ADGRB3: variants seen among roughly 807,000 people sequenced by gnomAD.
ADGRB3 encodes brain-specific angiogenesis inhibitor 3.
Under a neutral mutation model 193.4 loss-of-function variants are expected in ADGRB3, and 37 were observed. That is an observed-to-expected ratio of 0.19 (90% CI 0.15 to 0.25). ADGRB3 has a LOEUF of 0.25. ADGRB3 is among the 10% of genes least tolerant of loss of function. ADGRB3 has a pLI of 1.00. For synonymous variants in ADGRB3, 690 were observed against 644.2 expected (o/e 1.07, Z -1.08); for missense variants, 1,637 against 1,852.9 (o/e 0.88, Z 2.14).
chr6:69,267,899 C>G (rs1036101410), intron 20 of ADGRB3, among the ~76,000 whole-genome samples: 1 of 152,078 alleles, frequency 6.6e-6, no homozygotes, highest in Non-Finnish European at 1.5e-5. Context: ...TTCCAGTTTC[C>G]TGTTTCAATG....
chr6:68,815,675 A>G (rs1280135832), intron 3 of ADGRB3, among the ~76,000 whole-genome samples: 1 of 151,304 alleles, frequency 6.6e-6, no homozygotes, highest in East Asian at 1.9e-4. Flanking sequence ...TAGTTACACA[A>G]AAACTATTTC....
In ADGRB3 at chr6:69,306,437, G is replaced by A. The variant is rs117367235; in HGVS notation, c.2815-18435G>A. 2.6e-3 allele frequency among the ~76,000 whole-genome samples: 400 copies of A among 151,420 alleles called. 3 individuals carry two copies. Among genetic ancestry groups the A allele is most frequent in the Middle Eastern group, 6.8e-3 (2 of 294 alleles). ...AAAATAAGAAAACTTCCTAAATCAT[G>A]GATTCATTAAGTTGATAACCTATGT... On this transcript the variant is annotated intron_variant, in intron 20 of 31. Transcript: ENST00000370598.
intron 17 of ADGRB3, among the ~76,000 whole-genome samples, chr6:69,149,976 T>TA (rs1774626842): frequency 1.0e-5 from 1 of 95,518 alleles, no homozygotes; most frequent in South Asian, 3.4e-4. Flanking sequence ...GTGTGTGTGT[T>TA]GAGATCCCTG....
intron 20 of ADGRB3, among the ~76,000 whole-genome samples, chr6:69,319,629 T>C (rs1161574100): frequency 6.6e-6 from 1 of 151,396 alleles, no homozygotes; most frequent in African/African-American, 2.4e-5. Context: ...ATTGTTTTTA[T>C]AAAGATGTGT....
intron 24 of ADGRB3, among the ~76,000 whole-genome samples, chr6:69,334,188 G>C (rs528900135): frequency 6.6e-6 from 1 of 151,460 alleles, no homozygotes; most frequent in South Asian, 2.1e-4. Flanking sequence ...CCTTTCCATT[G>C]AACTGTAACC....
intron 20 of ADGRB3, among the ~76,000 whole-genome samples, chr6:69,270,273 T>C (rs889426690): frequency 6.6e-5 from 10 of 152,166 alleles, no homozygotes; most frequent in African/African-American, 2.4e-4. Context: ...GAACATACTG[T>C]TGGTAACACA....
At chr6:68,814,242 T>C (rs1229907726) in intron 3 of ADGRB3, among the ~76,000 whole-genome samples, 11 of 152,156 alleles carry the variant, frequency 7.2e-5, no homozygotes, top group African/African-American at 1.7e-4. Flanking sequence ...TTTTAATGAT[T>C]GCCATTCTAA....
chr6:69,019,020 G>A (rs909300757), intron 13 of ADGRB3, among the ~76,000 whole-genome samples: 14 of 152,068 alleles, frequency 9.2e-5, no homozygotes, highest in African/African-American at 3.4e-4. Context: ...TGCCAATGCA[G>A]TTTTTCTGAA....
chr6:69,107,815 T>A (rs1013016403), intron 17 of ADGRB3, among the ~76,000 whole-genome samples: 4 of 152,144 alleles, frequency 2.6e-5, no homozygotes, highest in Non-Finnish European at 2.9e-5. Flanking sequence ...CTGCAAGTTA[T>A]CACTTATAAG....
intron 17 of ADGRB3, among the ~76,000 whole-genome samples, chr6:69,212,167 C>T (rs1046818332): frequency 2.0e-5 from 3 of 152,058 alleles, no homozygotes; most frequent in Non-Finnish European, 2.9e-5. Flanking sequence ...GTACAGCATT[C>T]GAAAAAACAT....
chr6:68,736,345 A>G (rs781657524), intron 3 of ADGRB3, among the ~76,000 whole-genome samples: 2 of 152,180 alleles, frequency 1.3e-5, no homozygotes, highest in Non-Finnish European at 2.9e-5. Context: ...AAATTTTACA[A>G]CATAATTAAC....
chr6:69,233,219 T>C, intron 17 of ADGRB3, 71 bp from the exon 18 acceptor site: 2 of 1,572,822 alleles, frequency 1.3e-6, no homozygotes, highest in Non-Finnish European at 1.7e-6. Flanking sequence ...TTAAACTGCA[T>C]TTTCTTCTTT....
intron 3 of ADGRB3, among the ~76,000 whole-genome samples, chr6:68,852,196 AT>A (rs1236235607): frequency 6.6e-6 from 1 of 151,882 alleles, no homozygotes; most frequent in African/African-American, 2.4e-5. Flanking sequence ...ATACGTTTTA[AT>A]CATGAGTGTC....
intron 3 of ADGRB3, among the ~76,000 whole-genome samples, chr6:68,787,240 A>G (rs1766994571): frequency 6.6e-6 from 1 of 152,146 alleles, no homozygotes; most frequent in African/African-American, 2.4e-5. Context: ...CCAGTTTTCA[A>G]AGGGAATGCT....
At chr6:68,968,683 CATT>C in intron 8 of ADGRB3, among the ~76,000 whole-genome samples, 1 of 152,198 alleles carries the variant, frequency 6.6e-6, no homozygotes, top group East Asian at 1.9e-4. Context: ...ATTGCCATGT[CATT>C]ATTAAAAACG....
chr6:69,128,770 A>C (rs1773922793), intron 17 of ADGRB3, among the ~76,000 whole-genome samples: 1 of 152,178 alleles, frequency 6.6e-6, no homozygotes, highest in Non-Finnish European at 1.5e-5. Context: ...TGGTTATTCC[A>C]GTCTAGGGAC....
At chr6:68,749,406 A>ATGTGTGTG (rs1402921928) in intron 3 of ADGRB3, among the ~76,000 whole-genome samples, 55 of 101,120 alleles carry the variant, frequency 5.4e-4, no homozygotes, top group African/African-American at 1.9e-3. Flanking sequence ...ATATATATAT[A>ATGTGTGTG]TATGTGTGTG....
In ADGRB3 at chr6:69,265,317, GATGA is replaced by G. The variant is rs1241865099; in HGVS notation, c.2814+26093_2814+26096del. On this transcript the variant is annotated intron_variant, in intron 20 of 31. Transcript: ENST00000370598. ...AGGTGAACAGGGATGATTTGACTCA[GATGA>G]AATAGCTATTTTTAAATGTAAATGT... Among the ~76,000 whole-genome samples, 10 of 151,912 alleles carry G rather than the reference GATGA, an allele frequency of 6.6e-5. 1 individual carries two copies. Among genetic ancestry groups the G allele is most frequent in the Non-Finnish European group, 1.2e-4 (8 of 67,886 alleles).
At chr6:68,842,780 C>T (rs768591796) in intron 3 of ADGRB3, among the ~76,000 whole-genome samples, 10 of 151,820 alleles carry the variant, frequency 6.6e-5, no homozygotes, top group African/African-American at 1.2e-4. Context: ...ACAAAATACT[C>T]GCAAACAATA....
Sources: allele counts gnomAD v4.1 joint callset (sites outside exome capture counted in the v4.1 genomes callset), GRCh38; gene constraint gnomAD v4.1.1; transcripts MANE v1.5; gene names NCBI Gene and HGNC (gene_info 2026-07-23, HGNC 2026-07-21).